GPC5: variants seen among roughly 807,000 people sequenced by gnomAD.
GPC5 encodes the protein glypican 5, also known as glypican-5.
Under a neutral mutation model 53.9 loss-of-function variants are expected in GPC5, and 47 were observed. That is an observed-to-expected ratio of 0.87 (90% confidence interval 0.69 to 1.11). GPC5 has a LOEUF of 1.11. GPC5 is among the 50% of genes most tolerant of loss of function. The pLI, the probability that GPC5 is intolerant of heterozygous loss-of-function variation, is 0.00. For missense variants in GPC5, 748 were observed against 713.1 expected (o/e 1.05, Z -0.56); for synonymous variants, 286 against 263.3 (o/e 1.09, Z -0.84).
chr13:92,427,260 T>C (rs1447469379), intron 7 of GPC5, among the ~76,000 whole-genome samples: 1 of 150,610 alleles, frequency 6.6e-6, no homozygotes, highest in Non-Finnish European at 1.5e-5. Flanking sequence ...GGTTTTATGC[T>C]GTTTTTAAAA....
intron 7 of GPC5, among the ~76,000 whole-genome samples, chr13:92,814,287 T>G (rs1265461042): frequency 6.6e-6 from 1 of 151,840 alleles, no homozygotes; most frequent in Non-Finnish European, 1.5e-5. Context: ...GGACAAAATC[T>G]TTGTGACCTT....
At position 91,771,946 on chromosome 13, in the gene GPC5, A is replaced by G. The variant is rs1189043570; in HGVS notation, c.1280+15526A>G. ...TGTCAGTTTTATAATTATTTGAGAA[A>G]TGAATTGCATAAAGCAGAAAGAATA... On this transcript the variant is annotated intron_variant, in intron 5 of 7. Transcript: ENST00000377067. 2.6e-5 allele frequency among the ~76,000 whole-genome samples: 4 copies of G among 152,342 alleles called. No individual in the cohort carries two copies. In the East Asian group the frequency reaches 5.8e-4, roughly 22 times the overall value.
chr13:92,279,374 C>A (rs2042897489), intron 7 of GPC5, among the ~76,000 whole-genome samples: 1 of 151,946 alleles, frequency 6.6e-6, no homozygotes, highest in Non-Finnish European at 1.5e-5. Flanking sequence ...ATCTTGTGCA[C>A]TGAAAAATTA....
intron 1 of GPC5, among the ~76,000 whole-genome samples, chr13:91,404,139 A>G (rs963410638): frequency 1.3e-5 from 2 of 152,184 alleles, no homozygotes; most frequent in Admixed American, 6.5e-5. Context: ...TGGTGTGTAC[A>G]TGTATGTGTG....
In GPC5 at chr13:92,236,940, G is replaced by A. The variant is rs909268199; in HGVS notation, c.1561+91951G>A. 2.0e-5 allele frequency among the ~76,000 whole-genome samples: 3 copies of A among 151,540 alleles called. 1 individual carries two copies. The highest frequency in any genetic ancestry group is 6.3e-3 in the Middle Eastern group (2 of 316). On this transcript the variant is annotated intron_variant, in intron 7 of 7. Transcript: ENST00000377067. ...TTGCACTGTTTGGTTGTCATCTTAT[G>A]CATAATGTTATATAATTAGAGTGAT... is the stretch of plus-strand genomic sequence containing the variant.
At chr13:91,630,421 C>T (rs913284229) in intron 2 of GPC5, among the ~76,000 whole-genome samples, 3 of 152,078 alleles carry the variant, frequency 2.0e-5, no homozygotes, top group African/African-American at 4.8e-5. Context: ...CCCCATTCTA[C>T]CCAGGTATAG....
At chr13:92,032,837 T>G (rs1199772485) in intron 6 of GPC5, among the ~76,000 whole-genome samples, 1 of 152,306 alleles carries the variant, frequency 6.6e-6, no homozygotes, top group East Asian at 1.9e-4. Context: ...CCCCATTCTC[T>G]GCCCATCTGT....
chr13:91,811,860 T>C (rs2038316945), intron 5 of GPC5, among the ~76,000 whole-genome samples: 1 of 152,210 alleles, frequency 6.6e-6, no homozygotes, highest in Non-Finnish European at 1.5e-5. Flanking sequence ...CACACATTGG[T>C]AACATCTTTC....
At chr13:91,801,919 T>C (rs1004322160) in intron 5 of GPC5, among the ~76,000 whole-genome samples, 2 of 152,168 alleles carry the variant, frequency 1.3e-5, no homozygotes, top group African/African-American at 2.4e-5. Context: ...TCATACCACA[T>C]TCCTAAATAA....
chr13:92,189,002 A>G lies in GPC5; in HGVS notation c.1561+44013A>G, dbSNP rs78590937. Among the ~76,000 whole-genome samples, 3 of 152,308 alleles carry G rather than the reference A, an allele frequency of 2.0e-5. No individual in the cohort carries two copies. The East Asian group carries it at 5.8e-4, about 29-fold the overall frequency. ...CAGAAACTCACTTGCTGAAAGCACAACAGGAACTGGTGTAGGGGGAGGATA... is the reference window on the plus strand; with the variant it reads ...CAGAAACTCACTTGCTGAAAGCACAGCAGGAACTGGTGTAGGGGGAGGATA... On this transcript the variant is annotated intron_variant, in intron 7 of 7. Coordinates refer to ENST00000377067, the MANE Select transcript of GPC5 (RefSeq NM_004466.6).
At chr13:91,551,780 A>G (rs759858083) in intron 2 of GPC5, among the ~76,000 whole-genome samples, 3 of 152,124 alleles carry the variant, frequency 2.0e-5, no homozygotes, top group Non-Finnish European at 2.9e-5. Flanking sequence ...GGTTCTTAAC[A>G]CTAGGAGAGA....
chr13:92,560,194 T>C (rs778709514), intron 7 of GPC5, among the ~76,000 whole-genome samples: 3 of 151,988 alleles, frequency 2.0e-5, no homozygotes, highest in Non-Finnish European at 2.9e-5. Context: ...CAATAAAATC[T>C]ATTAGTAAAT....
At chr13:91,793,432 A>G (rs2038000081) in intron 5 of GPC5, among the ~76,000 whole-genome samples, 1 of 152,166 alleles carries the variant, frequency 6.6e-6, no homozygotes, top group South Asian at 2.1e-4. Context: ...ACATTCAAAC[A>G]GCTACATGTA....
chr13:92,493,434 T>C (rs373935274), intron 7 of GPC5, among the ~76,000 whole-genome samples: 6 of 152,204 alleles, frequency 3.9e-5, no homozygotes, highest in African/African-American at 1.4e-4. Context: ...TCTTATCTAC[T>C]TCAGTATTGA....
At chr13:92,393,147 T>C (rs1044031163) in intron 7 of GPC5, among the ~76,000 whole-genome samples, 3 of 152,102 alleles carry the variant, frequency 2.0e-5, no homozygotes, top group African/African-American at 7.2e-5. Flanking sequence ...ATGGAATCAA[T>C]CTAAAAGCCC....
At chr13:92,701,927 A>G (rs887019495) in intron 7 of GPC5, among the ~76,000 whole-genome samples, 1 of 152,130 alleles carries the variant, frequency 6.6e-6, no homozygotes, top group Non-Finnish European at 1.5e-5. Flanking sequence ...AAGGCCTCAC[A>G]TGCATTTTAA....
intron 7 of GPC5, among the ~76,000 whole-genome samples, chr13:92,484,301 G>A (rs1879472894): frequency 6.6e-6 from 1 of 152,142 alleles, no homozygotes. Context: ...AACTTCTGAA[G>A]GATCTGTCTG....
At chr13:92,564,218 T>A (rs574762471) in intron 7 of GPC5, among the ~76,000 whole-genome samples, 97 of 152,136 alleles carry the variant, frequency 6.4e-4, no homozygotes, top group African/African-American at 2.2e-3. Context: ...AGTAATAATT[T>A]CCATTTCTGC....
chr13:92,058,654 C>T (rs529123745), intron 6 of GPC5, among the ~76,000 whole-genome samples: 23 of 152,270 alleles, frequency 1.5e-4, no homozygotes, highest in Admixed American at 1.3e-3. Context: ...GCAATTCTCC[C>T]TGCCTCAGCC....
Sources: gnomAD v4.1 joint callset for allele counts (sites outside exome capture counted in the v4.1 genomes callset) on GRCh38, gnomAD v4.1.1 for gene constraint, MANE v1.5 for transcripts, NCBI Gene and HGNC (gene_info 2026-07-23, HGNC 2026-07-21) for gene names.